Variants in DCC observed in about 807,000 individuals in gnomAD.
DCC encodes netrin receptor DCC.
DCC carries 58 observed loss-of-function variants against 172.5 expected under a neutral mutation model. The ratio of observed to expected loss-of-function variants is 0.34; its 90% CI spans 0.27 to 0.42. The LOEUF (loss-of-function observed/expected upper bound fraction) is 0.42. Among genes scored for constraint, DCC ranks in the 10% least tolerant of loss-of-function variants. The pLI is 1.00. For missense variants in DCC, 1,740 were observed against 1,791.0 expected (o/e 0.97, Z 0.51); for synonymous variants, 709 against 644.5 (o/e 1.10, Z -1.52).
At chr18:53,519,326 G>T (rs765729127) in intron 27 of DCC, among the ~76,000 whole-genome samples, 6 of 151,960 alleles carry the variant, frequency 3.9e-5, no homozygotes. Context: ...CTTGGAATTT[G>T]TTGTATAGAT....
intron 2 of DCC, among the ~76,000 whole-genome samples, chr18:52,847,297 A>C (rs2038910304): frequency 6.6e-6 from 1 of 152,218 alleles, no homozygotes. Flanking sequence ...AAGCATAAGC[A>C]CTGACCCATT....
intron 1 of DCC, among the ~76,000 whole-genome samples, chr18:52,401,240 A>C (rs1986428634): frequency 6.6e-6 from 1 of 151,956 alleles, no homozygotes; most frequent in Non-Finnish European, 1.5e-5. Context: ...ATGCTTTCCT[A>C]ATGGGCATAA....
intron 1 of DCC, among the ~76,000 whole-genome samples, chr18:52,516,593 A>G (rs1221335855): frequency 1.3e-5 from 2 of 152,242 alleles, no homozygotes; most frequent in Non-Finnish European, 2.9e-5. Context: ...AATAAAAATG[A>G]AAAAGATAAG....
At chr18:52,673,598 T>G (rs149615369) in intron 1 of DCC, among the ~76,000 whole-genome samples, 1 of 152,308 alleles carries the variant, frequency 6.6e-6, no homozygotes, top group African/African-American at 2.4e-5. Flanking sequence ...ATTTTTTCCC[T>G]CCTTTTTTCT....
At chr18:52,894,379 C>T (rs116515528) in intron 2 of DCC, among the ~76,000 whole-genome samples, 2,300 of 145,102 alleles carry the variant, frequency 0.016, 43 homozygotes, top group African/African-American at 0.04. Context: ...CTCTGGATTC[C>T]CCAGAAACAG....
At chr18:52,708,429 G>A (rs543290908) in intron 1 of DCC, among the ~76,000 whole-genome samples, 2 of 119,838 alleles carry the variant, frequency 1.7e-5, no homozygotes, top group East Asian at 2.4e-4. Flanking sequence ...GCAATAGAGC[G>A]AGACTCTGTC....
chr18:52,847,598 C>T (rs543247423), intron 2 of DCC, among the ~76,000 whole-genome samples: 11 of 152,300 alleles, frequency 7.2e-5, no homozygotes, highest in East Asian at 3.9e-4. Flanking sequence ...ACCATCACTT[C>T]GTCTCTGTAA....
intron 1 of DCC, among the ~76,000 whole-genome samples, chr18:52,721,584 T>C (rs1294183345): frequency 6.6e-6 from 1 of 152,214 alleles, no homozygotes; most frequent in Non-Finnish European, 1.5e-5. Context: ...CAATGTACAA[T>C]GGGCCTTTTT....
intron 7 of DCC, among the ~76,000 whole-genome samples, chr18:53,104,248 C>A (rs572290005): frequency 1.3e-5 from 2 of 152,086 alleles, no homozygotes; most frequent in African/African-American, 4.8e-5. Context: ...TTTGGCTCTG[C>A]GTCCCCACCC....
chr18:53,301,028 TTTTC>T (rs2057134430), intron 12 of DCC, among the ~76,000 whole-genome samples: 1 of 149,452 alleles, frequency 6.7e-6, no homozygotes, highest in Non-Finnish European at 1.5e-5. Flanking sequence ...TTTCTTTTCT[TTTTC>T]TTTTTCTTCC....
At chr18:52,634,358 A>C (rs2034732944) in intron 1 of DCC, among the ~76,000 whole-genome samples, 1 of 152,218 alleles carries the variant, frequency 6.6e-6, no homozygotes, top group South Asian at 2.1e-4. Context: ...TTGTATTAGC[A>C]CATGTAGTAT....
intron 1 of DCC, among the ~76,000 whole-genome samples, chr18:52,425,306 C>T (rs1005029839): frequency 6.6e-6 from 1 of 152,178 alleles, no homozygotes; most frequent in African/African-American, 2.4e-5. Flanking sequence ...CTTTCTGCTT[C>T]TGTCATCCTC....
chr18:52,634,768 T>C (rs1229835041), intron 1 of DCC, among the ~76,000 whole-genome samples: 2 of 152,180 alleles, frequency 1.3e-5, no homozygotes, highest in Non-Finnish European at 2.9e-5. Context: ...AATCATACTT[T>C]CTCACTCTTT....
chr18:52,833,762 G>A (rs1373361074), intron 2 of DCC, among the ~76,000 whole-genome samples: 1 of 152,152 alleles, frequency 6.6e-6, no homozygotes, highest in Non-Finnish European at 1.5e-5. Context: ...CCAGGCTTGA[G>A]CAGTCCTCCT....
chr18:53,373,617 TA>T (rs1485837428), intron 15 of DCC, among the ~76,000 whole-genome samples: 3 of 152,216 alleles, frequency 2.0e-5, no homozygotes, highest in African/African-American at 7.2e-5. Context: ...AGTTCAGTTT[TA>T]CTGTCATCTT....
chr18:52,845,456 C>T (rs12967277), intron 2 of DCC, among the ~76,000 whole-genome samples: 1 of 152,058 alleles, frequency 6.6e-6, no homozygotes, highest in Non-Finnish European at 1.5e-5. Flanking sequence ...GCCATGGCCC[C>T]CCTGAGAGGA....
intron 8 of DCC, among the ~76,000 whole-genome samples, chr18:53,163,479 T>A (rs2054873369): frequency 6.6e-6 from 1 of 152,238 alleles, no homozygotes; most frequent in African/African-American, 2.4e-5. Flanking sequence ...TGTAGGTTTA[T>A]TTAGCTGCTT....
intron 20 of DCC, among the ~76,000 whole-genome samples, chr18:53,412,656 G>T (rs940775529): frequency 5.3e-5 from 8 of 152,076 alleles, no homozygotes; most frequent in Non-Finnish European, 1.0e-4. Context: ...GTACTCACTG[G>T]GTAATGGGCA....
chr18:52,838,849 G>A (rs990182390), intron 2 of DCC, among the ~76,000 whole-genome samples: 2 of 152,182 alleles, frequency 1.3e-5, no homozygotes, highest in Non-Finnish European at 2.9e-5. Flanking sequence ...CACTTTGGGA[G>A]AAAATGGAAA....
Sources: allele counts gnomAD v4.1 joint callset (sites outside exome capture counted in the v4.1 genomes callset), GRCh38; gene constraint gnomAD v4.1.1; transcripts MANE v1.5; gene names NCBI Gene and HGNC (gene_info 2026-07-23, HGNC 2026-07-21).